The following YPEL2 variants were observed in gnomAD, a reference collection of about 807,000 sequenced individuals.
The protein encoded by YPEL2 is protein yippee-like 2.
Under a neutral mutation model 19.1 loss-of-function variants are expected in YPEL2, and 2 were observed. The ratio of observed to expected loss-of-function variants is 0.10; its 90% CI spans 0.04 to 0.33. The LOEUF (loss-of-function observed/expected upper bound fraction) is 0.33, where lower values mean the gene tolerates loss of function less well. Ranked by LOEUF, YPEL2 falls within the 10% of genes least tolerant of loss-of-function variation. YPEL2 has a pLI of 1.00. For missense variants in YPEL2, 66 were observed against 140.7 expected, an observed-to-expected ratio of 0.47 and a Z score of 2.68; for synonymous variants, 52 against 50.0, an observed-to-expected ratio of 1.04 and a Z score of -0.17.
In YPEL2 at chr17:59,353,937, C is replaced by T; in HGVS notation, c.117+411C>T. 1 of 293,014 alleles carries T rather than the reference C, an allele frequency of 3.4e-6. No individual in the cohort carries two copies. The highest frequency in any genetic ancestry group is 3.2e-5 in the South Asian group (1 of 31,360). The allele number at this position is 293,014 out of a possible 1,614,324, so 18.2% of individuals were successfully genotyped here. A position where few individuals can be genotyped will look rare whatever the true frequency, so the allele number is the denominator to read the frequency against. On this transcript the variant is annotated intron_variant, in intron 2 of 4. Coordinates refer to ENST00000312655, the MANE Select transcript of YPEL2 (RefSeq NM_001005404.4). The surrounding 1 kb of genome is among the most constrained non-coding windows in gnomAD (Gnocchi z 4.8). Reference sequence around the variant, plus strand: ...GGGTTCCTTAGCAAGATGAGAGAGCCACCAGGAAGTTGTGAGACTGTGGAA... The same window carrying T: ...GGGTTCCTTAGCAAGATGAGAGAGCTACCAGGAAGTTGTGAGACTGTGGAA...
At chr17:59,385,612 C>T (rs1052004091) in intron 2 of YPEL2, among the ~76,000 whole-genome samples, 14 of 152,106 alleles carry the variant, frequency 9.2e-5, no homozygotes, top group Middle Eastern at 3.4e-3. Context: ...ATTATAGTGA[C>T]AGAAAGCTGT....
At chr17:59,342,833 T>A (rs2047738465) in intron 1 of YPEL2, among the ~76,000 whole-genome samples, 1 of 152,142 alleles carries the variant, frequency 6.6e-6, no homozygotes, top group Non-Finnish European at 1.5e-5. Flanking sequence ...GGGGTAGCAG[T>A]TCAGACTGTC....
intron 2 of YPEL2, among the ~76,000 whole-genome samples, chr17:59,364,152 C>T (rs1442131314): frequency 6.6e-6 from 1 of 152,162 alleles, no homozygotes; most frequent in African/African-American, 2.4e-5. Flanking sequence ...GTCCTGGAGT[C>T]ATAGATGCTC....
intron 1 of YPEL2, among the ~76,000 whole-genome samples, chr17:59,351,462 ACT>A (rs2047787251): frequency 6.6e-6 from 1 of 151,718 alleles, no homozygotes; most frequent in African/African-American, 2.4e-5. Context: ...TATCTGTAAC[ACT>A]CTGGCACCCA....
rs57107138 is a variant in YPEL2 at position 59,400,711 on chromosome 17, A to G, written c.*3521A>G. On this transcript the variant is annotated 3_prime_UTR_variant, in exon 5 of 5. Coordinates refer to ENST00000312655, the MANE Select transcript of YPEL2 (RefSeq NM_001005404.4). ...ATTCTTCCTGTTGGAAGAATTTCCA[A>G]CAAATCAGAATCACGTTTTTAGTTG... The G allele has an allele frequency of 0.045, 6,815 of 152,728 alleles. 496 individuals carry two copies. Among genetic ancestry groups the G allele is most frequent in the African/African-American group, 0.15 (6,345 of 41,546 alleles). The allele number at this position is 152,728 out of a possible 1,614,324, so 9.5% of individuals were successfully genotyped here.
chr17:59,393,277 G>C (rs1304211803), intron 4 of YPEL2, among the ~76,000 whole-genome samples: 1 of 150,254 alleles, frequency 6.7e-6, no homozygotes, highest in Non-Finnish European at 1.5e-5. Context: ...ACAGGTGCAT[G>C]ACATCACACC....
At chr17:59,367,112 G>C (rs2047874155) in intron 2 of YPEL2, among the ~76,000 whole-genome samples, 1 of 152,220 alleles carries the variant, frequency 6.6e-6, no homozygotes, top group Non-Finnish European at 1.5e-5. Flanking sequence ...TTTTGTTCGA[G>C]GCTCAGCCTG....
In YPEL2 at chr17:59,397,495, GC is replaced by G; in HGVS notation, c.*309del. 1 of 214,858 alleles carries G rather than the reference GC, an allele frequency of 4.7e-6. No homozygotes were observed. Among genetic ancestry groups the G allele is most frequent in the Non-Finnish European group, 9.2e-6 (1 of 108,928 alleles). The allele number at this position is 214,858 out of a possible 1,614,324, so 13.3% of individuals were successfully genotyped here. On this transcript the variant is annotated 3_prime_UTR_variant, in exon 5 of 5. Transcript: ENST00000312655. ...ATGGCGGCAGCCCACCTTGGTAAGGGCCCCAGGGCCCATGCGAGAGCTGCCT... is the reference window on the plus strand; with the variant it reads ...ATGGCGGCAGCCCACCTTGGTAAGGGCCCAGGGCCCATGCGAGAGCTGCCT...
intron 1 of YPEL2, among the ~76,000 whole-genome samples, chr17:59,349,127 T>C (rs1044982765): frequency 7.8e-6 from 1 of 128,854 alleles, no homozygotes; most frequent in Non-Finnish European, 1.5e-5. Context: ...TGAGCCGAGA[T>C]GGCGCCACTG....
intron 2 of YPEL2, among the ~76,000 whole-genome samples, chr17:59,384,228 C>T (rs2047969101): frequency 6.6e-6 from 1 of 152,144 alleles, no homozygotes; most frequent in Non-Finnish European, 1.5e-5. Flanking sequence ...TATCTAAGAA[C>T]CTCTTCTAAC....
chr17:59,350,898 A>T (rs1218455904), intron 1 of YPEL2, among the ~76,000 whole-genome samples: 1 of 152,084 alleles, frequency 6.6e-6, no homozygotes, highest in Non-Finnish European at 1.5e-5. Context: ...TGTAAGACGG[A>T]TGGGTCTGGT....
chr17:59,387,861 A>AT (rs948836851), intron 2 of YPEL2, among the ~76,000 whole-genome samples: 1 of 152,062 alleles, frequency 6.6e-6, no homozygotes, highest in African/African-American at 2.4e-5. Flanking sequence ...TGGGTCAGGG[A>AT]TTTTTTTGCT....
chr17:59,332,221 G>A (rs2047674441), intron 1 of YPEL2, among the ~76,000 whole-genome samples: 2 of 152,106 alleles, frequency 1.3e-5, no homozygotes, highest in Non-Finnish European at 1.5e-5. Context: ...TGGGGTCCGG[G>A]TGGGGCTGGG....
At chr17:59,393,898 C>T (rs2048022099) in intron 4 of YPEL2, among the ~76,000 whole-genome samples, 1 of 152,148 alleles carries the variant, frequency 6.6e-6, no homozygotes. Flanking sequence ...AATGAAAAGT[C>T]TCCCATGTCT....
At chr17:59,357,124 G>A (rs2047816820) in intron 2 of YPEL2, among the ~76,000 whole-genome samples, 1 of 152,186 alleles carries the variant, frequency 6.6e-6, no homozygotes, top group Admixed American at 6.5e-5. Flanking sequence ...TGAGATCATG[G>A]ATGTGTGGGT....
chr17:59,359,663 GAT>G (rs1193919514), intron 2 of YPEL2, among the ~76,000 whole-genome samples: 1 of 152,136 alleles, frequency 6.6e-6, no homozygotes, highest in Non-Finnish European at 1.5e-5. Context: ...ATGACATAAT[GAT>G]TTTTACAAAA....
chr17:59,383,465 G>T (rs2047960267), intron 2 of YPEL2, among the ~76,000 whole-genome samples: 1 of 148,990 alleles, frequency 6.7e-6, no homozygotes, highest in African/African-American at 2.5e-5. Flanking sequence ...GGGCGTGGTG[G>T]TGGGTGCCTG....
Position 59,353,129 on chromosome 17 carries a change from T to A in YPEL2, c.-195-86T>A. On this transcript the variant is annotated intron_variant, in intron 1 of 4. Coordinates refer to ENST00000312655, the MANE Select transcript of YPEL2 (RefSeq NM_001005404.4). The surrounding 1 kb of genome is among the most constrained non-coding windows in gnomAD (Gnocchi z 4.8). ...ATTTGATCCTGTCAGTGTTGCCTTC[T>A]TCATGGGTGGCAGTTGGATTCTGCT... is the stretch of plus-strand genomic sequence containing the variant. The A allele has an allele frequency of 3.5e-6, 1 of 287,396 alleles. No homozygotes were observed. The allele number at this position is 287,396 out of a possible 1,614,324, so 17.8% of individuals were successfully genotyped here. A position where few individuals can be genotyped will look rare whatever the true frequency, so the allele number is the denominator to read the frequency against.
chr17:59,379,905 A>G (rs2147952414), intron 2 of YPEL2, among the ~76,000 whole-genome samples: 1 of 86,094 alleles, frequency 1.2e-5, no homozygotes, highest in South Asian at 3.7e-4. Flanking sequence ...CTGTCACCCA[A>G]TCTAGAGTGC....
Sources: gnomAD v4.1 joint callset for allele counts (sites outside exome capture counted in the v4.1 genomes callset) on GRCh38, gnomAD v4.1.1 for gene constraint, Gnocchi (gnomAD v3.1) non-coding constraint, MANE v1.5 for transcripts, NCBI Gene and HGNC (gene_info 2026-07-23, HGNC 2026-07-21) for gene names.